The following TOPAZ1 variants were observed in gnomAD, a reference collection of about 807,000 sequenced individuals.
TOPAZ1 encodes protein TOPAZ1.
A neutral mutation model predicts 172.2 loss-of-function variants in TOPAZ1; 66 were observed. The ratio of observed to expected loss-of-function variants is 0.38; its 90% CI spans 0.31 to 0.47. The LOEUF (loss-of-function observed/expected upper bound fraction) is 0.47, where lower values mean the gene tolerates loss of function less well. TOPAZ1 is among the 20% of genes least tolerant of loss of function. TOPAZ1 has a pLI of 0.99. For synonymous variants in TOPAZ1, 681 were observed against 683.9 expected (o/e 1.00, Z 0.07); for missense variants, 1,822 against 1,972.4 (o/e 0.92, Z 1.44).
At chr3:44,273,896 A>G (rs1699923792) in intron 8 of TOPAZ1, among the ~76,000 whole-genome samples, 1 of 152,190 alleles carries the variant, frequency 6.6e-6, no homozygotes, top group Non-Finnish European at 1.5e-5. Context: ...AAAAATAAAA[A>G]TATATTCATG....
Position 44,243,324 on chromosome 3 carries a change from A to T in TOPAZ1, c.818A>T (p.Asp273Val). 1 of 1,551,484 alleles carries T rather than the reference A, an allele frequency of 6.4e-7. No individual in the cohort carries two copies. Among genetic ancestry groups the T allele is most frequent in the Non-Finnish European group, 8.7e-7 (1 of 1,146,912 alleles). Residue 273 changes from aspartate to valine, a missense_variant, in exon 2 of 20, where the codon GAC (aspartate) becomes GTC (valine). This residue lies in a region of TOPAZ1 where 1,489 missense variants were observed against 1,490.8 expected (regional missense o/e 1.00). Transcript: ENST00000309765. ...ENLRSLAEKS[D>V]TNSIPQLLQT... The stretch of plus-strand genomic sequence containing the variant: ...CTTAGGAGTCTTGCAGAGAAGAGTG[A>T]CACAAATAGTATTCCTCAGCTCTTA...
At chr3:44,251,880 C>T (rs961905166) in intron 2 of TOPAZ1, among the ~76,000 whole-genome samples, 1 of 152,122 alleles carries the variant, frequency 6.6e-6, no homozygotes, top group Non-Finnish European at 1.5e-5. Flanking sequence ...TTTTCTATTT[C>T]ACCAATTCAG....
In TOPAZ1 at chr3:44,305,279, G is replaced by A. The variant is rs1700321899; in HGVS notation, c.3997G>A (p.Asp1333Asn). The change falls in exon 14 of 20, where the codon GAT (aspartate) becomes AAT (asparagine). Residue 1333 changes from aspartate (D) to asparagine (N), a missense_variant. Around this residue, in one of 2 missense-constraint regions of TOPAZ1, gnomAD observed 333 missense variants for 481.7 expected, o/e 0.69. Transcript: ENST00000309765. ...IAETLTKNYE[D>N]ERPDIPFCEF... ...TGAAACACTCACAAAAAACTATGAAGATGAAAGACCAGATATTCCCTTTTG... is the reference window on the plus strand; with the variant it reads ...TGAAACACTCACAAAAAACTATGAAAATGAAAGACCAGATATTCCCTTTTG... The A allele has an allele frequency of 2.6e-6, 4 of 1,543,464 alleles. No individual in the cohort carries two copies. Among genetic ancestry groups the A allele is most frequent in the African/African-American group, 2.8e-5 (2 of 72,576 alleles).
At chr3:44,253,104 G>A (rs1699653688) in intron 2 of TOPAZ1, among the ~76,000 whole-genome samples, 1 of 152,188 alleles carries the variant, frequency 6.6e-6, no homozygotes, top group South Asian at 2.1e-4. Flanking sequence ...TGCAAAAGCT[G>A]TCATGAAGGG....
At chr3:44,309,700 A>G in intron 15 of TOPAZ1, 125 bp from the exon 16 acceptor site, 1 of 684,242 alleles carries the variant, frequency 1.5e-6, no homozygotes, top group Non-Finnish European at 2.4e-6. Context: ...GTCTTGGAGC[A>G]GCTTAACAGC....
At position 44,328,448 on chromosome 3, in the gene TOPAZ1, C is replaced by CT. The variant is rs759220174; in HGVS notation, c.4859+18dup. The CT allele has an allele frequency of 9.4e-5, 139 of 1,476,100 alleles. No individual in the cohort carries two copies. The highest frequency in any genetic ancestry group is 1.2e-4 in the Non-Finnish European group (135 of 1,113,676). The allele number at this position is 1,476,100 out of a possible 1,614,324, so 91.4% of individuals were successfully genotyped here. The stretch of plus-strand genomic sequence containing the variant: ...GTTTTGAAAAGGTTGGTTGACATAA[C>CT]TTTAACTGCATTCTGAATGTAGATC... On this transcript the variant is annotated intron_variant, in intron 19 of 19. Transcript: ENST00000309765.
intron 8 of TOPAZ1, among the ~76,000 whole-genome samples, chr3:44,276,146 A>G (rs1264010030): frequency 6.6e-6 from 1 of 152,112 alleles, no homozygotes; most frequent in African/African-American, 2.4e-5. Flanking sequence ...CTTTCATTCA[A>G]CAGGTTCTCT....
In TOPAZ1 at chr3:44,270,696, G is replaced by A; in HGVS notation, c.3258G>A (p.Lys1086=). The change falls in exon 8 of 20, where the codon AAG becomes AAA. Residue 1086 remains lysine (K), a synonymous_variant. Coordinates refer to ENST00000309765, the MANE Select transcript of TOPAZ1 (RefSeq NM_001145030.2). The part of the protein sequence containing the change: ...KREKNVGVFQ[K]SLGLMIPYKY... ...TTCTAATTTTCTAGGTGTTCCAGAAGTCCCTAGGGTTGATGATACCCTATA... is the reference window on the plus strand; with the variant it reads ...TTCTAATTTTCTAGGTGTTCCAGAAATCCCTAGGGTTGATGATACCCTATA... 6.5e-7 allele frequency: 1 copy of A among 1,540,214 alleles called. No individual in the cohort carries two copies. The highest frequency in any genetic ancestry group is 1.4e-5 in the African/African-American group (1 of 72,774).
In TOPAZ1 at chr3:44,255,034, A is replaced by C. The variant is rs1361247431; in HGVS notation, c.2827+5A>C. On this transcript the variant is annotated splice_donor_5th_base_variant and intron_variant, in intron 3 of 19. Transcript: ENST00000309765. The stretch of plus-strand genomic sequence containing the variant: ...TCTGTGCTTCCAACTCAGCAGGTAA[A>C]AGTTGACATTTTCAGAATATGCAAT... 7 of 1,549,892 alleles carry C rather than the reference A, an allele frequency of 4.5e-6. No homozygotes were observed. Among genetic ancestry groups the C allele is most frequent in the Non-Finnish European group, 6.1e-6 (7 of 1,145,606 alleles).
At chr3:44,262,938 A>T (rs1160103274) in intron 5 of TOPAZ1, among the ~76,000 whole-genome samples, 1 of 152,190 alleles carries the variant, frequency 6.6e-6, no homozygotes, top group African/African-American at 2.4e-5. Flanking sequence ...CTCATTTTGC[A>T]TGTGAGGCAA....
chr3:44,255,084 A>G (rs991091237), intron 3 of TOPAZ1, 55 bp downstream of exon 3: 1 of 1,273,884 alleles, frequency 7.9e-7, no homozygotes, highest in African/African-American at 1.5e-5. Flanking sequence ...TTATATCTCC[A>G]TTCAGGCCTA....
rs1406681898 is a variant in TOPAZ1, at chr3:44,308,122, A to G, written c.4140+1696A>G. Among the ~76,000 whole-genome samples the G allele has an allele frequency of 3.9e-5, 6 of 152,200 alleles. No homozygotes were observed. The East Asian group carries it at 1.2e-3, about 29-fold the overall frequency. ...AACCCCATCTCTACTAAAAAATACAAAAATTAGCAGGGGGTGATGGCGCTA... is the reference window on the plus strand; with the variant it reads ...AACCCCATCTCTACTAAAAAATACAGAAATTAGCAGGGGGTGATGGCGCTA... On this transcript the variant is annotated intron_variant, in intron 15 of 19. Coordinates refer to ENST00000309765, the MANE Select transcript of TOPAZ1 (RefSeq NM_001145030.2).
intron 16 of TOPAZ1, among the ~76,000 whole-genome samples, chr3:44,311,827 A>G (rs971535368): frequency 1.3e-5 from 2 of 152,160 alleles, no homozygotes; most frequent in African/African-American, 4.8e-5. Context: ...AGAAATATAC[A>G]TTACAATTAC....
In TOPAZ1 at chr3:44,244,098, T is replaced by G. The variant is rs1699527463; in HGVS notation, c.1592T>G (p.Val531Gly). 6.4e-7 allele frequency: 1 copy of G among 1,551,686 alleles called. No homozygotes were observed. Among genetic ancestry groups the G allele is most frequent in the Non-Finnish European group, 8.7e-7 (1 of 1,146,952 alleles). Residue 531 changes from valine (V) to glycine (G), a missense_variant, in exon 2 of 20, where the codon GTC becomes GGC. This residue lies in a region of TOPAZ1 where 1,489 missense variants were observed against 1,490.8 expected (regional missense o/e 1.00). Coordinates refer to ENST00000309765, the MANE Select transcript of TOPAZ1 (RefSeq NM_001145030.2). The part of the protein sequence containing the change: ...GSQESCRQVD[V>G]PKHQTNQTHL... Reference sequence around the variant, plus strand: ...CAGGAAAGTTGTAGGCAAGTTGATGTCCCTAAACACCAAACAAACCAGACC... The same window carrying G: ...CAGGAAAGTTGTAGGCAAGTTGATGGCCCTAAACACCAAACAAACCAGACC...
intron 11 of TOPAZ1, 71 bp downstream of exon 11, chr3:44,287,910 T>G: frequency 1.4e-6 from 1 of 706,582 alleles, no homozygotes; most frequent in Non-Finnish European, 2.3e-6. Context: ...CATGGGGGGG[T>G]ACCCTTGAGC....
At position 44,242,415 on chromosome 3, in the gene TOPAZ1, C is replaced by A. The variant is rs1011729767; in HGVS notation, c.346+16C>A. 1 of 1,551,452 alleles carries A rather than the reference C, an allele frequency of 6.4e-7. No homozygotes were observed. The highest frequency in any genetic ancestry group is 1.2e-5 in the South Asian group (1 of 84,006). On this transcript the variant is annotated intron_variant, in intron 1 of 19. Coordinates refer to ENST00000309765, the MANE Select transcript of TOPAZ1 (RefSeq NM_001145030.2). ...GAAAGACACAGTAAGAAAGCATCCACGATCACTTACCTTTAGCCCTTGTAC... is the reference window on the plus strand; with the variant it reads ...GAAAGACACAGTAAGAAAGCATCCAAGATCACTTACCTTTAGCCCTTGTAC...
intron 13 of TOPAZ1, among the ~76,000 whole-genome samples, chr3:44,304,656 A>G (rs1230484846): frequency 6.6e-6 from 1 of 152,238 alleles, no homozygotes. Context: ...AATTGTAGAA[A>G]GATAATAAGT....
Position 44,244,779 on chromosome 3 carries a change from C to G in TOPAZ1, c.2273C>G (p.Ser758Cys). 1 of 1,551,542 alleles carries G rather than the reference C, an allele frequency of 6.4e-7. No homozygotes were observed. Among genetic ancestry groups the G allele is most frequent in the Non-Finnish European group, 8.7e-7 (1 of 1,146,968 alleles). The change falls in exon 2 of 20, where the codon TCT becomes TGT. Residue 758 changes from serine (S) to cysteine (C), a missense_variant. This residue lies in a region of TOPAZ1 where 1,489 missense variants were observed against 1,490.8 expected (regional missense o/e 1.00). Transcript: ENST00000309765. The part of the protein sequence containing the change: ...RNSVTPVQAS[S>C]DSFYNKKSYS... ...AGTGTAACTCCAGTGCAAGCTAGTT[C>G]TGACTCATTCTACAATAAGAAATCC...
rs1229299520 is a variant in TOPAZ1 at position 44,257,467 on chromosome 3, ATAGTGTGTGTGTGT to A, written c.2955+1190_2955+1203del. Among the ~76,000 whole-genome samples, 262 of 106,058 alleles carry A rather than the reference ATAGTGTGTGTGTGT, an allele frequency of 2.5e-3. 5 individuals are homozygous for A. The highest frequency in any genetic ancestry group is 8.0e-3 in the African/African-American group (231 of 28,906). 69.6% of individuals were successfully genotyped at this position (106,058 alleles called of 152,430 possible). A position where few individuals can be genotyped will look rare whatever the true frequency, so the allele number is the denominator to read the frequency against. On this transcript the variant is annotated intron_variant, in intron 4 of 19. Transcript: ENST00000309765. ...GTGTGTATCTATTTTATATATATAT[ATAGTGTGTGTGTGT>A]GTGTGTGTGTGTGTGTGTGTGTGTG...
Sources: allele counts gnomAD v4.1 joint callset (sites outside exome capture counted in the v4.1 genomes callset), GRCh38; gene constraint gnomAD v4.1.1; regional missense constraint gnomAD v4.1.1; transcripts MANE v1.5; gene names NCBI Gene and HGNC (gene_info 2026-07-23, HGNC 2026-07-21).